Variants in PRKCI observed in about 807,000 individuals in gnomAD.
PRKCI encodes the protein protein kinase C iota type.
A neutral mutation model predicts 84.0 loss-of-function variants in PRKCI; 43 were observed. The ratio of observed to expected loss-of-function variants is 0.51; its 90% CI spans 0.40 to 0.66. The LOEUF (loss-of-function observed/expected upper bound fraction) is 0.66, where lower values mean the gene tolerates loss of function less well. Ranked by LOEUF, PRKCI falls within the 30% of genes least tolerant of loss-of-function variation. The pLI, the probability that PRKCI is intolerant of heterozygous loss-of-function variation, is 0.00. For synonymous variants in PRKCI, 216 were observed against 234.4 expected (o/e 0.92, Z 0.72); for missense variants, 459 against 745.6 (o/e 0.62, Z 4.48).
At chr3:170,239,732 T>C (rs1350917118) in intron 2 of PRKCI, among the ~76,000 whole-genome samples, 2 of 151,694 alleles carry the variant, frequency 1.3e-5, no homozygotes, top group African/African-American at 4.8e-5. Context: ...TTCTCTTGTA[T>C]GGTAGAGTGT....
intron 2 of PRKCI, among the ~76,000 whole-genome samples, chr3:170,250,437 C>G (rs974560531): frequency 9.9e-6 from 1 of 100,924 alleles, no homozygotes; most frequent in African/African-American, 3.8e-5. Context: ...TACCAACCCC[C>G]CCCCCCCAAA....
At chr3:170,246,147 CAG>C (rs1259322669) in intron 2 of PRKCI, among the ~76,000 whole-genome samples, 2 of 151,434 alleles carry the variant, frequency 1.3e-5, no homozygotes, top group East Asian at 1.9e-4. Context: ...CTTTTTGAGA[CAG>C]AGTCTCGCTC....
chr3:170,230,157 T>C (rs1332239398), intron 1 of PRKCI, among the ~76,000 whole-genome samples: 1 of 151,534 alleles, frequency 6.6e-6, no homozygotes, highest in Non-Finnish European at 1.5e-5. Context: ...TTTTCTTCTA[T>C]TATGCAACTT....
chr3:170,294,576 A>G (rs1265039001), intron 14 of PRKCI, among the ~76,000 whole-genome samples: 1 of 152,254 alleles, frequency 6.6e-6, no homozygotes, highest in Non-Finnish European at 1.5e-5. Flanking sequence ...TGCTGGTAGG[A>G]ATGAAAACTG....
chr3:170,234,114 C>T (rs1177871255), intron 1 of PRKCI, among the ~76,000 whole-genome samples: 1 of 143,272 alleles, frequency 7.0e-6, no homozygotes, highest in African/African-American at 2.6e-5. Flanking sequence ...TCACTGCAAT[C>T]TCCGCCTCCC....
At chr3:170,271,461 A>G (rs1734003988) in intron 6 of PRKCI, among the ~76,000 whole-genome samples, 3 of 152,216 alleles carry the variant, frequency 2.0e-5, no homozygotes, top group Non-Finnish European at 4.4e-5. Flanking sequence ...CATAAATATT[A>G]TAATTTTGTT....
chr3:170,294,446 A>AG (rs1486723316), intron 14 of PRKCI, among the ~76,000 whole-genome samples: 4 of 152,246 alleles, frequency 2.6e-5, no homozygotes, highest in African/African-American at 9.6e-5. Context: ...CTAGCAATTA[A>AG]GGGAATGCAC....
chr3:170,254,929 A>G (rs1255047636), intron 2 of PRKCI, among the ~76,000 whole-genome samples: 1 of 148,320 alleles, frequency 6.7e-6, no homozygotes, highest in African/African-American at 2.5e-5. Context: ...GGACATTTTA[A>G]CAGTATTGAT....
At chr3:170,226,307 G>GC (rs1226215900) in intron 1 of PRKCI, among the ~76,000 whole-genome samples, 1 of 152,178 alleles carries the variant, frequency 6.6e-6, no homozygotes, top group Non-Finnish European at 1.5e-5. Context: ...CTCATGGCCT[G>GC]CACCCGTCTT....
At position 170,296,010 on chromosome 3, in the gene PRKCI, A is replaced by C. The variant is rs1230824417; in HGVS notation, c.1497+20A>C. On this transcript the variant is annotated intron_variant, in intron 15 of 17. Coordinates refer to ENST00000295797, the MANE Select transcript of PRKCI (RefSeq NM_002740.6). ...AATAAGGTATAAATTGTGTATAAGA[A>C]TATTTTGTGATTTGTCTCTTTCTAT... 1 of 1,383,754 alleles carries C rather than the reference A, an allele frequency of 7.2e-7. No individual in the cohort carries two copies. Among genetic ancestry groups the C allele is most frequent in the African/African-American group, 1.4e-5 (1 of 69,268 alleles). 85.7% of individuals were successfully genotyped at this position (1,383,754 alleles called of 1,614,324 possible).
intron 1 of PRKCI, among the ~76,000 whole-genome samples, chr3:170,230,394 G>C (rs376689346): frequency 6.6e-6 from 1 of 152,138 alleles, no homozygotes; most frequent in Non-Finnish European, 1.5e-5. Flanking sequence ...GCAGTGGCAC[G>C]ATCCTGGCTC....
intron 2 of PRKCI, among the ~76,000 whole-genome samples, chr3:170,244,092 G>A (rs1319214119): frequency 6.6e-6 from 1 of 152,152 alleles, no homozygotes; most frequent in Non-Finnish European, 1.5e-5. Flanking sequence ...TTTTCATTAA[G>A]GTCTGTTGAT....
intron 2 of PRKCI, among the ~76,000 whole-genome samples, chr3:170,256,904 T>A (rs1577353492): frequency 6.6e-6 from 1 of 152,162 alleles, no homozygotes; most frequent in African/African-American, 2.4e-5. Context: ...AATTTTTCAA[T>A]TTTTTTCTTA....
At chr3:170,294,109 G>C (rs1734637754) in intron 14 of PRKCI, among the ~76,000 whole-genome samples, 1 of 152,148 alleles carries the variant, frequency 6.6e-6, no homozygotes, top group East Asian at 1.9e-4. Flanking sequence ...ATCACAAACA[G>C]ATTGGAGAAA....
rs571984668 is a variant in PRKCI at position 170,225,408 on chromosome 3, G to C, written c.101+2638G>C. On this transcript the variant is annotated intron_variant, in intron 1 of 17. Coordinates refer to ENST00000295797, the MANE Select transcript of PRKCI (RefSeq NM_002740.6). The stretch of plus-strand genomic sequence containing the variant: ...CACGGACAAGGATAGTTAATAAACA[G>C]GTTGGCTAACTAGAACACCTACCTG... Among the ~76,000 whole-genome samples the C allele has an allele frequency of 1.2e-4, 19 of 152,220 alleles. 1 individual carries two copies. In the South Asian group the frequency reaches 3.9e-3, roughly 32 times the overall value.
intron 4 of PRKCI, among the ~76,000 whole-genome samples, chr3:170,265,287 T>A (rs776569996): frequency 1.3e-5 from 2 of 152,188 alleles, no homozygotes; most frequent in Non-Finnish European, 2.9e-5. Context: ...CTTCAGGTGA[T>A]TCTGATGCAC....
intron 2 of PRKCI, among the ~76,000 whole-genome samples, chr3:170,236,686 AC>A (rs937987724): frequency 6.6e-6 from 1 of 151,854 alleles, no homozygotes; most frequent in East Asian, 1.9e-4. Context: ...ACATTGTGAG[AC>A]CCTGTCTCTA....
At chr3:170,253,681 C>T (rs893962497) in intron 2 of PRKCI, among the ~76,000 whole-genome samples, 10 of 152,106 alleles carry the variant, frequency 6.6e-5, no homozygotes, top group African/African-American at 2.4e-4. Flanking sequence ...GTCCCAGCTA[C>T]TCAGGAGGCT....
chr3:170,241,614 A>G (rs923316380), intron 2 of PRKCI, among the ~76,000 whole-genome samples: 1 of 152,076 alleles, frequency 6.6e-6, no homozygotes, highest in East Asian at 1.9e-4. Flanking sequence ...GCTATTGTGA[A>G]TGATGCAGAT....
Sources: allele counts gnomAD v4.1 joint callset (sites outside exome capture counted in the v4.1 genomes callset), GRCh38; gene constraint gnomAD v4.1.1; transcripts MANE v1.5; gene names NCBI Gene and HGNC (gene_info 2026-07-23, HGNC 2026-07-21).